The following OSBPL1A variants were observed in gnomAD, a reference collection of about 807,000 sequenced individuals.
OSBPL1A encodes the protein oxysterol binding protein like 1A, also known as oxysterol-binding protein-related protein 1.
Under a neutral mutation model 137.1 loss-of-function variants are expected in OSBPL1A, and 80 were observed. That is an observed-to-expected ratio of 0.58 (90% CI 0.49 to 0.70). OSBPL1A has a LOEUF of 0.70. OSBPL1A is among the 30% of genes least tolerant of loss of function. OSBPL1A has a pLI of 0.00. For missense variants in OSBPL1A, 970 were observed against 1,129.4 expected, an observed-to-expected ratio of 0.86 and a Z score of 2.02; for synonymous variants, 365 against 389.7, an observed-to-expected ratio of 0.94 and a Z score of 0.75.
At chr18:24,252,165 A>G (rs992204702) in intron 15 of OSBPL1A, among the ~76,000 whole-genome samples, 1 of 152,192 alleles carries the variant, frequency 6.6e-6, no homozygotes, top group Non-Finnish European at 1.5e-5. Context: ...CAAATGGATA[A>G]TATCAGAGAA....
intron 16 of OSBPL1A, among the ~76,000 whole-genome samples, chr18:24,228,041 T>C (rs1214768730): frequency 6.6e-6 from 1 of 152,156 alleles, no homozygotes; most frequent in Non-Finnish European, 1.5e-5. Flanking sequence ...AGAGCTTCTA[T>C]GAAGCAAAGA....
intron 1 of OSBPL1A, among the ~76,000 whole-genome samples, chr18:24,395,073 T>C (rs1458334494): frequency 1.3e-5 from 2 of 152,200 alleles, no homozygotes; most frequent in Non-Finnish European, 2.9e-5. Context: ...ACATACACTA[T>C]ACAGATTACC....
In OSBPL1A at chr18:24,225,177, A is replaced by T; in HGVS notation, c.1466T>A (p.Leu489Gln). ...ALSDSESERSLSRLEAVTARS... is the reference protein window; with the variant it reads ...ALSDSESERSQSRLEAVTARS... ...TGCTGTCACTGCTTCCAATCTACTC[A>T]GGGACCTTTCGGACTCGGAATCTGT... The change falls in exon 17 of 28, where the codon CTG (leucine) becomes CAG (glutamine). Residue 489 changes from leucine to glutamine, a missense_variant. This residue lies in a region of OSBPL1A where 647 missense variants were observed against 672.6 expected (regional missense o/e 0.96). Coordinates refer to ENST00000319481, the MANE Select transcript of OSBPL1A (RefSeq NM_080597.4). 1 of 1,614,106 alleles carries T rather than the reference A, an allele frequency of 6.2e-7. No individual in the cohort carries two copies. Among genetic ancestry groups the T allele is most frequent in the Non-Finnish European group, 8.5e-7 (1 of 1,179,970 alleles).
In OSBPL1A at chr18:24,314,230, C is replaced by G. The variant is rs768349439; in HGVS notation, c.969+19G>C. ...TGTTCTGTAAGTTTTAGGAAAGATA[C>G]ATGAATCCATAAGATTACCTCTCTT... On this transcript the variant is annotated intron_variant, in intron 12 of 27. Transcript: ENST00000319481. 1.3e-6 allele frequency: 2 copies of G among 1,515,068 alleles called. No individual in the cohort carries two copies. The highest frequency in any genetic ancestry group is 2.0e-5 in the Admixed American group (1 of 50,900). 93.9% of individuals were successfully genotyped at this position (1,515,068 alleles called of 1,614,324 possible). A position where few individuals can be genotyped will look rare whatever the true frequency, so the allele number is the denominator to read the frequency against.
At chr18:24,358,609 G>A in intron 4 of OSBPL1A, 1 of 682,808 alleles carries the variant, frequency 1.5e-6, no homozygotes, top group Non-Finnish European at 2.7e-6. Flanking sequence ...AACACAGTAG[G>A]CCTTCAATAC....
At chr18:24,239,039 C>A (rs2088593848) in intron 16 of OSBPL1A, among the ~76,000 whole-genome samples, 181 bp downstream of exon 16, 1 of 152,138 alleles carries the variant, frequency 6.6e-6, no homozygotes, top group Admixed American at 6.6e-5. Context: ...CTTTCAGACA[C>A]CAGCCTTAAT....
intron 17 of OSBPL1A, among the ~76,000 whole-genome samples, chr18:24,211,317 G>A (rs906470206): frequency 1.3e-5 from 2 of 152,124 alleles, no homozygotes; most frequent in Admixed American, 6.5e-5. Context: ...AACAAAAACA[G>A]TTAGAAGAGT....
At chr18:24,314,114 A>C in intron 12 of OSBPL1A, 135 bp downstream of exon 12, 1 of 545,590 alleles carries the variant, frequency 1.8e-6, no homozygotes, top group Non-Finnish European at 3.0e-6. Context: ...CAAAAACATA[A>C]ATAAATAAAA....
chr18:24,224,124 C>A (rs1226715430), intron 17 of OSBPL1A, among the ~76,000 whole-genome samples: 2 of 152,024 alleles, frequency 1.3e-5, no homozygotes, highest in Admixed American at 6.6e-5. Flanking sequence ...ACTCACTAAT[C>A]TTTTAAAAAT....
Position 24,323,534 on chromosome 18 carries a change from TTTTTC to T in OSBPL1A, c.626-4730_626-4726del, listed in dbSNP as rs1384086493. Among the ~76,000 whole-genome samples the T allele has an allele frequency of 3.3e-5, 2 of 61,426 alleles. 1 individual carries two copies. The highest frequency in any genetic ancestry group is 3.9e-4 in the African/African-American group (2 of 5,118). 40.3% of individuals were successfully genotyped at this position (61,426 alleles called of 152,430 possible). A position where few individuals can be genotyped will look rare whatever the true frequency, so the allele number is the denominator to read the frequency against. On this transcript the variant is annotated intron_variant, in intron 7 of 27. Coordinates refer to ENST00000319481, the MANE Select transcript of OSBPL1A (RefSeq NM_080597.4). ...CCACCACACCCAGCCAGGGTGAGGC[TTTTTC>T]TTTTTTTTTTTTTTTTTTTTTTATT...
intron 4 of OSBPL1A, among the ~76,000 whole-genome samples, chr18:24,352,349 T>A (rs9959808): frequency 0.55 from 82,828 of 151,866 alleles, 23,053 homozygotes; most frequent in East Asian, 0.82. Context: ...GCAGAAAAAA[T>A]TGCTTATCTT....
At chr18:24,362,185 T>C (rs1458831707) in intron 4 of OSBPL1A, among the ~76,000 whole-genome samples, 5 of 151,642 alleles carry the variant, frequency 3.3e-5, no homozygotes, top group Non-Finnish European at 7.4e-5. Context: ...ATCTGGGCCA[T>C]GTAGAAATAG....
chr18:24,202,376 A>G (rs2087246021), intron 17 of OSBPL1A, among the ~76,000 whole-genome samples: 1 of 152,226 alleles, frequency 6.6e-6, no homozygotes, highest in Non-Finnish European at 1.5e-5. Context: ...TTAAATTGTT[A>G]TTTTTATAAA....
intron 2 of OSBPL1A, among the ~76,000 whole-genome samples, chr18:24,376,428 C>T (rs1309423328): frequency 6.6e-6 from 1 of 152,236 alleles, no homozygotes; most frequent in African/African-American, 2.4e-5. Flanking sequence ...GAGCTAGATA[C>T]AGAGTGCCGA....
At chr18:24,178,604 T>C (rs997372101) in intron 20 of OSBPL1A, among the ~76,000 whole-genome samples, 1 of 152,146 alleles carries the variant, frequency 6.6e-6, no homozygotes, top group African/African-American at 2.4e-5. Flanking sequence ...AATTCTTTAT[T>C]CTCATTGCAA....
chr18:24,326,867 C>A lies in OSBPL1A; in HGVS notation c.625+6075G>T, dbSNP rs184204499. ...AAACATTAACAACTAAAAACTAAAT[C>A]TTTGGACGTTTGGGTTAGAGGTGAT... On this transcript the variant is annotated intron_variant, in intron 7 of 27. Coordinates refer to ENST00000319481, the MANE Select transcript of OSBPL1A (RefSeq NM_080597.4). Among the ~76,000 whole-genome samples the A allele has an allele frequency of 1.6e-4, 25 of 152,192 alleles. No homozygotes were observed. In the East Asian group the frequency reaches 3.5e-3, roughly 21 times the overall value.
rs1298409440 is a variant in OSBPL1A at position 24,271,722 on chromosome 18, T to TCGAGCCGAGG, written c.1281+9110_1281+9119dup. On this transcript the variant is annotated intron_variant, in intron 15 of 27. Coordinates refer to ENST00000319481, the MANE Select transcript of OSBPL1A (RefSeq NM_080597.4). This position sits in a 1 kb window ranked among gnomAD's most constrained non-coding sequence, Gnocchi z 4.0. The stretch of plus-strand genomic sequence containing the variant: ...GCCTGCTCCTCCTCCTCCCCTCCAG[T>TCGAGCCGAGG]CGAGCCGAGGCGAGCCGATCCGGGA... 2.2e-5 allele frequency: 22 copies of TCGAGCCGAGG among 985,132 alleles called. No individual in the cohort carries two copies. Among genetic ancestry groups the TCGAGCCGAGG allele is most frequent in the African/African-American group, 5.2e-5 (3 of 57,176 alleles). The allele number at this position is 985,132 out of a possible 1,614,324, so 61.0% of individuals were successfully genotyped here.
chr18:24,281,158 T>C (rs1324470813), intron 14 of OSBPL1A, among the ~76,000 whole-genome samples: 3 of 152,152 alleles, frequency 2.0e-5, no homozygotes, highest in African/African-American at 7.2e-5. Context: ...CAATCTTGGC[T>C]CACTGCAACC....
intron 2 of OSBPL1A, among the ~76,000 whole-genome samples, chr18:24,370,225 C>A (rs1156359412): frequency 2.0e-5 from 3 of 152,122 alleles, no homozygotes; most frequent in Non-Finnish European, 4.4e-5. Flanking sequence ...TGTCTCAAAA[C>A]AACAACAAAA....
Sources: gnomAD v4.1 joint callset for allele counts (sites outside exome capture counted in the v4.1 genomes callset) on GRCh38, gnomAD v4.1.1 for gene constraint, gnomAD v4.1.1 regional missense constraint, Gnocchi (gnomAD v3.1) non-coding constraint, MANE v1.5 for transcripts, NCBI Gene and HGNC (gene_info 2026-07-23, HGNC 2026-07-21) for gene names.